Variants in AMOT observed in about 807,000 individuals in gnomAD.
AMOT encodes angiomotin.
A neutral mutation model predicts 67.0 loss-of-function variants in AMOT; 11 were observed. That is an observed-to-expected ratio of 0.16 (90% CI 0.10 to 0.27). AMOT has a LOEUF of 0.27. Among genes scored for constraint, AMOT ranks in the 10% least tolerant of loss-of-function variants. The probability of loss-of-function intolerance (pLI) is 1.00; values close to 1 mark genes in which losing one functional copy is unlikely to be tolerated. For synonymous variants in AMOT, 326 were observed against 321.4 expected, an observed-to-expected ratio of 1.01 and a Z score of -0.15; for missense variants, 753 against 852.0, an observed-to-expected ratio of 0.88 and a Z score of 1.45.
intron 2 of AMOT, among the ~76,000 whole-genome samples, chrX:112,830,080 T>C (rs1315682480): frequency 8.9e-6 from 1 of 112,451 alleles, no homozygotes; most frequent in East Asian, 2.8e-4. Context: ...TATTTTATTT[T>C]ACAAGTAATA....
intron 2 of AMOT, among the ~76,000 whole-genome samples, chrX:112,832,033 C>G (rs1487411895): frequency 9.0e-6 from 1 of 111,217 alleles, no homozygotes; most frequent in Non-Finnish European, 1.9e-5. Context: ...TCTGAGTGCC[C>G]TGGTAGCAAT....
At chrX:112,784,553 T>C (rs945326550) in intron 10 of AMOT, among the ~76,000 whole-genome samples, 44 of 111,773 alleles carry the variant, frequency 3.9e-4, no homozygotes, top group African/African-American at 1.4e-3. Context: ...TGTCACTGCA[T>C]TCCATCTTGG....
chrX:112,816,006 G>T (rs1167312994), intron 4 of AMOT, 129 bp from the exon 5 acceptor site: 1 of 957,624 alleles, frequency 1.0e-6, no homozygotes, highest in Non-Finnish European at 1.4e-6. Context: ...AGCAGGCAGG[G>T]TCTGACTATG....
chrX:112,819,527 G>C (rs1242408050), intron 4 of AMOT: 4 of 335,207 alleles, frequency 1.2e-5, no homozygotes, highest in Non-Finnish European at 1.6e-5. Context: ...AAAGGAGGTG[G>C]CTGCTTTATA....
chrX:112,830,714 C>T (rs944644960), intron 2 of AMOT, among the ~76,000 whole-genome samples: 2 of 111,942 alleles, frequency 1.8e-5, no homozygotes, highest in Non-Finnish European at 3.8e-5. Flanking sequence ...GCGGGCTCCC[C>T]TGTGAATCCA....
chrX:112,789,589 G>A (rs1315853887), intron 10 of AMOT, among the ~76,000 whole-genome samples: 1 of 111,186 alleles, frequency 9.0e-6, no homozygotes, highest in East Asian at 2.9e-4. Flanking sequence ...TGGCATGGAA[G>A]GACTCAAAAA....
At chrX:112,793,893 C>T (rs990836661) in intron 8 of AMOT, among the ~76,000 whole-genome samples, 1 of 112,202 alleles carries the variant, frequency 8.9e-6, no homozygotes, top group Non-Finnish European at 1.9e-5. Context: ...AAACTTTTGC[C>T]TCTGCCTTCC....
chrX:112,779,219 C>T lies in AMOT; in HGVS notation c.2935G>A (p.Val979Ile). The change falls in exon 13 of 14, where the codon GTT becomes ATT. Residue 979 changes from valine to isoleucine, a missense_variant. By Grantham distance (29) the Val-to-Ile change is conservative. This residue lies in a region of AMOT where 269 missense variants were observed against 300.9 expected (regional missense o/e 0.89). Coordinates refer to ENST00000371959, the MANE Select transcript of AMOT (RefSeq NM_001113490.2). ...ACCGGAACCAGAGCCGGAGCTGGAA[C>T]TGGAGCCGGAGCAGCTGGAGCAACC... is the stretch of plus-strand genomic sequence containing the variant. ...VQVAPAAPAP[V>I]PAPALVPVPA... 1 of 711,767 alleles carries T rather than the reference C, an allele frequency of 1.4e-6. No homozygotes were observed. Among genetic ancestry groups the T allele is most frequent in the Non-Finnish European group, 2.3e-6 (1 of 440,931 alleles). The allele number at this position is 711,767 out of a possible 1,213,427, so 58.7% of individuals were successfully genotyped here.
At chrX:112,814,044 G>A (rs775546672) in intron 5 of AMOT, among the ~76,000 whole-genome samples, 1 of 111,308 alleles carries the variant, frequency 9.0e-6, no homozygotes, top group Non-Finnish European at 1.9e-5. Context: ...AGACCAAGGC[G>A]GGCGGATCAC....
rs372610737 is a variant in AMOT at position 112,815,502 on chromosome X, G to C, written c.1248C>G (p.Ser416=). 2.5e-6 allele frequency: 3 copies of C among 1,211,632 alleles called. No individual in the cohort carries two copies. Among genetic ancestry groups the C allele is most frequent in the Non-Finnish European group, 3.3e-6 (3 of 895,570 alleles). ...CTGGCACTGGCTGATAAGAAGCAGA[G>C]GATGGCTGAGCCCGAGGCATAGCTG... ...AYSAMPRAQP[S]SASYQPVPAD... Residue 416 remains serine (S), a synonymous_variant, in exon 5 of 14, where the codon TCC becomes TCG. Transcript: ENST00000371959.
chrX:112,793,039 G>C (rs1411975008), intron 8 of AMOT, among the ~76,000 whole-genome samples: 4 of 104,759 alleles, frequency 3.8e-5, no homozygotes, highest in Non-Finnish European at 7.7e-5. Flanking sequence ...GAAACTGCAG[G>C]CTTCCCAACT....
At chrX:112,814,517 T>C (rs1414612885) in intron 5 of AMOT, among the ~76,000 whole-genome samples, 3 of 101,224 alleles carry the variant, frequency 3.0e-5, no homozygotes, top group Non-Finnish European at 6.0e-5. Flanking sequence ...CAAACCACAA[T>C]AGCTCCACAA....
Position 112,823,025 on chromosome X carries a change from C to A in AMOT, c.102G>T (p.Leu34=). 2 of 1,167,573 alleles carry A rather than the reference C, an allele frequency of 1.7e-6. No homozygotes were observed. The highest frequency in any genetic ancestry group is 2.3e-6 in the Non-Finnish European group (2 of 873,036). ...CTGTGGCTTGCTGGTGTATGGCAAG[C>A]AGGCTGCGATTCTCACTAGGATTGC... ...RYGNPSENRS[L]LAIHQQATGN... The change falls in exon 4 of 14, where the codon CTG becomes CTT. Residue 34 remains leucine (L), a synonymous_variant. Coordinates refer to ENST00000371959, the MANE Select transcript of AMOT (RefSeq NM_001113490.2).
intron 4 of AMOT, 43 bp downstream of exon 4, chrX:112,822,212 T>C (rs759507640): frequency 1.9e-6 from 2 of 1,067,561 alleles, no homozygotes; most frequent in Admixed American, 4.0e-5. Flanking sequence ...CAGAAGCTGG[T>C]TGGGGATGAG....
chrX:112,835,586 CTTTT>C (rs141494395), intron 1 of AMOT, among the ~76,000 whole-genome samples: 5 of 92,397 alleles, frequency 5.4e-5, no homozygotes, highest in Non-Finnish European at 2.2e-5. Flanking sequence ...TCCATCAAAT[CTTTT>C]TTTTTTTTTT....
At chrX:112,807,662 T>C (rs1934234987) in intron 7 of AMOT, among the ~76,000 whole-genome samples, 1 of 111,881 alleles carries the variant, frequency 8.9e-6, no homozygotes, top group Non-Finnish European at 1.9e-5. Flanking sequence ...ACCATCTTAT[T>C]TAACCTCACA....
At chrX:112,792,666 A>G (rs1933652870) in intron 8 of AMOT, among the ~76,000 whole-genome samples, 2 of 111,751 alleles carry the variant, frequency 1.8e-5, no homozygotes, top group Admixed American at 9.5e-5. Context: ...CTGCCTTGCT[A>G]GTTCTTTAGG....
chrX:112,786,803 TGAAA>T lies in AMOT; in HGVS notation c.2117+3785_2117+3788del, dbSNP rs1303223459. On this transcript the variant is annotated intron_variant, in intron 10 of 13. Transcript: ENST00000371959. ...TCTTGGGCAAATTATCTAAATAAAA[TGAAA>T]GAAATAAATTTCCTGTTATCACTTT... Among the ~76,000 whole-genome samples the T allele has an allele frequency of 2.7e-5, 3 of 112,424 alleles. No homozygotes were observed. In the East Asian group the frequency reaches 8.3e-4, roughly 31 times the overall value.
chrX:112,817,494 T>C (rs1934599512), intron 4 of AMOT, among the ~76,000 whole-genome samples: 1 of 112,165 alleles, frequency 8.9e-6, no homozygotes, highest in Non-Finnish European at 1.9e-5. Flanking sequence ...CCAGTTACCA[T>C]TACTGTTCAT....
Sources: allele counts gnomAD v4.1 joint callset (sites outside exome capture counted in the v4.1 genomes callset), GRCh38; gene constraint gnomAD v4.1.1; regional missense constraint gnomAD v4.1.1; transcripts MANE v1.5; gene names NCBI Gene and HGNC (gene_info 2026-07-23, HGNC 2026-07-21).